The following EDIL3 variants were observed in gnomAD, a reference collection of about 807,000 sequenced individuals.
EDIL3 encodes EGF like and discoidin domains 3.
A neutral mutation model predicts 67.4 loss-of-function variants in EDIL3; 37 were observed. The ratio of observed to expected loss-of-function variants is 0.55; its 90% CI spans 0.42 to 0.72. EDIL3 has a LOEUF of 0.72. Among genes scored for constraint, EDIL3 ranks in the 30% least tolerant of loss-of-function variants. EDIL3 has a pLI of 0.00. For missense variants in EDIL3, 527 were observed against 586.3 expected (o/e 0.90, Z 1.04); for synonymous variants, 195 against 196.3 (o/e 0.99, Z 0.05).
chr5:83,954,842 T>C (rs563395413), intron 10 of EDIL3, among the ~76,000 whole-genome samples: 6 of 151,806 alleles, frequency 4.0e-5, no homozygotes, highest in Non-Finnish European at 8.8e-5. Context: ...TCGTAGTTTT[T>C]TCTATTCAAA....
chr5:83,941,768 G>A lies in EDIL3; in HGVS notation c.*1651C>T, dbSNP rs1744227911. ...AAGAAGTAGAAAGCATATGGGCAAGGAACAAATATGTGGCCAGCCAGTCCC... is the reference window on the plus strand; with the variant it reads ...AAGAAGTAGAAAGCATATGGGCAAGAAACAAATATGTGGCCAGCCAGTCCC... On this transcript the variant is annotated 3_prime_UTR_variant, in exon 11 of 11. Transcript: ENST00000296591. 1 of 151,920 alleles carries A rather than the reference G, an allele frequency of 6.6e-6. No homozygotes were observed. Among genetic ancestry groups the A allele is most frequent in the South Asian group, 2.1e-4 (1 of 4,826 alleles). 9.4% of individuals were successfully genotyped at this position (151,920 alleles called of 1,614,324 possible).
At chr5:84,236,060 T>C (rs1185767938) in intron 2 of EDIL3, among the ~76,000 whole-genome samples, 1 of 152,080 alleles carries the variant, frequency 6.6e-6, no homozygotes, top group Non-Finnish European at 1.5e-5. Flanking sequence ...AATGTATTTA[T>C]ACAGTGAATC....
At chr5:84,234,758 T>C (rs1744647213) in intron 2 of EDIL3, among the ~76,000 whole-genome samples, 1 of 152,168 alleles carries the variant, frequency 6.6e-6, no homozygotes, top group Admixed American at 6.5e-5. Flanking sequence ...ATCCTTTTGT[T>C]GGCTATATCA....
At chr5:84,350,610 A>G (rs1037790742) in intron 1 of EDIL3, among the ~76,000 whole-genome samples, 1 of 152,120 alleles carries the variant, frequency 6.6e-6, no homozygotes, top group Non-Finnish European at 1.5e-5. Context: ...CTAAAATTAT[A>G]GCATTCTATT....
chr5:83,979,469 A>C (rs1205681387), intron 9 of EDIL3, among the ~76,000 whole-genome samples: 1 of 152,146 alleles, frequency 6.6e-6, no homozygotes, highest in Non-Finnish European at 1.5e-5. Flanking sequence ...TATCTGTAGC[A>C]TTACTGTTTT....
At position 84,242,105 on chromosome 5, in the gene EDIL3, G is replaced by A. The variant is rs368889029; in HGVS notation, c.196+11979C>T. Among the ~76,000 whole-genome samples the A allele has an allele frequency of 1.7e-3, 250 of 151,214 alleles. No individual in the cohort carries two copies. The East Asian group carries it at 0.026, about 16-fold the overall frequency. ...AAATTAGCCAGGCGTGGTGGTGGGC[G>A]CCTGTAGTCCCAGCTACTCGGGAGG... is the stretch of plus-strand genomic sequence containing the variant. On this transcript the variant is annotated intron_variant, in intron 2 of 10. Coordinates refer to ENST00000296591, the MANE Select transcript of EDIL3 (RefSeq NM_005711.5).
chr5:84,275,307 C>T (rs917962101), intron 1 of EDIL3, among the ~76,000 whole-genome samples: 1 of 152,156 alleles, frequency 6.6e-6, no homozygotes, highest in African/African-American at 2.4e-5. Context: ...ATGAGAGTGT[C>T]ACAAAATCCA....
chr5:84,243,362 C>A (rs751725327), intron 2 of EDIL3, among the ~76,000 whole-genome samples: 1 of 152,154 alleles, frequency 6.6e-6, no homozygotes, highest in Non-Finnish European at 1.5e-5. Flanking sequence ...ACCTTGGAAG[C>A]CAGAGGCTGT....
At chr5:84,049,340 T>C (rs1746287209) in intron 9 of EDIL3, among the ~76,000 whole-genome samples, 1 of 152,332 alleles carries the variant, frequency 6.6e-6, no homozygotes, top group Non-Finnish European at 1.5e-5. Context: ...AATTCTGTTC[T>C]CCTGAGGTAC....
At chr5:84,096,726 A>AT (rs979800722) in intron 6 of EDIL3, among the ~76,000 whole-genome samples, 1 of 152,158 alleles carries the variant, frequency 6.6e-6, no homozygotes, top group Admixed American at 6.5e-5. Flanking sequence ...AAGACATGAG[A>AT]TTTTGGACAG....
At chr5:84,031,262 C>CA (rs1745915240) in intron 9 of EDIL3, among the ~76,000 whole-genome samples, 1 of 152,086 alleles carries the variant, frequency 6.6e-6, no homozygotes, top group Admixed American at 6.5e-5. Flanking sequence ...ATAACAGTAA[C>CA]AAATAGTAAT....
chr5:84,172,993 C>G lies in EDIL3; in HGVS notation c.355+7400G>C, dbSNP rs566552036. 7.9e-5 allele frequency among the ~76,000 whole-genome samples: 12 copies of G among 152,286 alleles called. No homozygotes were observed. In the South Asian group the frequency reaches 2.5e-3, roughly 32 times the overall value. On this transcript the variant is annotated intron_variant, in intron 4 of 10. Transcript: ENST00000296591. ...GGGTCTGCTCTTCAGCCTCTCAAACCTAGTGCCATCCCTACTGAAGTAAAC... is the reference window on the plus strand; with the variant it reads ...GGGTCTGCTCTTCAGCCTCTCAAACGTAGTGCCATCCCTACTGAAGTAAAC...
intron 1 of EDIL3, among the ~76,000 whole-genome samples, chr5:84,292,616 C>T (rs1008957007): frequency 5.3e-5 from 8 of 151,906 alleles, no homozygotes; most frequent in Non-Finnish European, 1.0e-4. Flanking sequence ...ATAATTATAT[C>T]CTATTTTTTT....
At chr5:84,306,132 G>A (rs1453921725) in intron 1 of EDIL3, among the ~76,000 whole-genome samples, 1 of 152,050 alleles carries the variant, frequency 6.6e-6, no homozygotes, top group African/African-American at 2.4e-5. Flanking sequence ...AATTAACCTA[G>A]GAATAGTCAT....
At chr5:84,252,350 C>T (rs1467639637) in intron 2 of EDIL3, among the ~76,000 whole-genome samples, 2 of 151,606 alleles carry the variant, frequency 1.3e-5, no homozygotes, top group African/African-American at 4.8e-5. Flanking sequence ...AGAAATTAGC[C>T]GGGCGTGGCG....
At chr5:84,309,129 T>C (rs929734840) in intron 1 of EDIL3, among the ~76,000 whole-genome samples, 2 of 152,180 alleles carry the variant, frequency 1.3e-5, no homozygotes, top group African/African-American at 4.8e-5. Context: ...CAAACTCCTA[T>C]GGCATAATTA....
At chr5:84,040,116 G>A (rs1322175934) in intron 9 of EDIL3, among the ~76,000 whole-genome samples, 1 of 152,138 alleles carries the variant, frequency 6.6e-6, no homozygotes, top group East Asian at 1.9e-4. Context: ...TGCAACTAGT[G>A]GCAGAGAAGG....
chr5:84,013,508 T>G (rs1461880998), intron 9 of EDIL3, among the ~76,000 whole-genome samples: 1 of 152,158 alleles, frequency 6.6e-6, no homozygotes, highest in African/African-American at 2.4e-5. Flanking sequence ...ATTCCTCCTT[T>G]GTGAGTGATG....
chr5:84,215,000 G>A (rs889193909), intron 3 of EDIL3, among the ~76,000 whole-genome samples: 4 of 152,142 alleles, frequency 2.6e-5, no homozygotes, highest in Admixed American at 6.5e-5. Flanking sequence ...GATTATAGGC[G>A]TGAGCCACCG....
Sources: allele counts gnomAD v4.1 joint callset (sites outside exome capture counted in the v4.1 genomes callset), GRCh38; gene constraint gnomAD v4.1.1; transcripts MANE v1.5; gene names NCBI Gene and HGNC (gene_info 2026-07-23, HGNC 2026-07-21).